Variants in ENTREP2 observed in about 807,000 individuals in gnomAD.
ENTREP2 encodes the protein endosomal transmembrane epsin interactor 2.
At chr15:29,338,696 G>A in the ENTREP2 span, among the ~76,000 whole-genome samples, 1 of 152,106 alleles carries the variant, frequency 6.6e-6, no homozygotes, top group Admixed American at 6.5e-5. Context: ...CCAGCTTGAT[G>A]TTCCTTCAAT....
At chr15:29,177,560 C>T in the ENTREP2 span, among the ~76,000 whole-genome samples, 6 of 152,286 alleles carry the variant, frequency 3.9e-5, no homozygotes, top group Admixed American at 3.9e-4. Context: ...ACGCAGCAAG[C>T]ACAGAGATGA....
the ENTREP2 span, among the ~76,000 whole-genome samples, chr15:29,477,130 T>C: frequency 1.4e-4 from 21 of 152,190 alleles, no homozygotes; most frequent in African/African-American, 4.6e-4. Flanking sequence ...AAACACACTG[T>C]TGAAAGTGTA....
At chr15:29,348,350 A>C in the ENTREP2 span, among the ~76,000 whole-genome samples, 243 of 152,258 alleles carry the variant, frequency 1.6e-3, no homozygotes, top group African/African-American at 4.9e-3. Flanking sequence ...AGGGAGCAGC[A>C]ATGTTGAACG....
the ENTREP2 span, chr15:29,375,149 C>A: frequency 1.3e-5 from 2 of 152,166 alleles, no homozygotes; most frequent in African/African-American, 4.8e-5. Flanking sequence ...TTAGGCAGAA[C>A]TGGAACAGCA....
At chr15:29,377,661 A>C in the ENTREP2 span, among the ~76,000 whole-genome samples, 1 of 151,748 alleles carries the variant, frequency 6.6e-6, no homozygotes, top group Non-Finnish European at 1.5e-5. Context: ...GTCTCTACTG[A>C]AAATACAAAA....
At chr15:29,294,823 G>A in the ENTREP2 span, among the ~76,000 whole-genome samples, 1 of 152,204 alleles carries the variant, frequency 6.6e-6, no homozygotes, top group Non-Finnish European at 1.5e-5. Context: ...AAGTAGCTAA[G>A]TCTGCATTCT....
chr15:29,668,139 T>A, the ENTREP2 span, among the ~76,000 whole-genome samples: 2 of 151,968 alleles, frequency 1.3e-5, no homozygotes, highest in African/African-American at 4.8e-5. Flanking sequence ...AAGAAAAGGG[T>A]GTCGTTGATT....
the ENTREP2 span, among the ~76,000 whole-genome samples, chr15:29,488,989 T>C: frequency 6.6e-6 from 1 of 152,186 alleles, no homozygotes; most frequent in Non-Finnish European, 1.5e-5. Flanking sequence ...AACAATTTAA[T>C]GAGTATGGGA....
At chr15:29,327,398 T>C in the ENTREP2 span, among the ~76,000 whole-genome samples, 1 of 151,994 alleles carries the variant, frequency 6.6e-6, no homozygotes, top group Non-Finnish European at 1.5e-5. Context: ...GTTGAGACTA[T>C]CCTGGCTAAC....
the ENTREP2 span, among the ~76,000 whole-genome samples, chr15:29,517,717 G>A: frequency 2.6e-5 from 4 of 151,962 alleles, no homozygotes; most frequent in Non-Finnish European, 5.9e-5. Flanking sequence ...TCGAAGTCCC[G>A]CTCACCAATG....
At chr15:29,203,177 C>A in the ENTREP2 span, among the ~76,000 whole-genome samples, 8 of 152,288 alleles carry the variant, frequency 5.3e-5, no homozygotes, top group East Asian at 5.8e-4. Flanking sequence ...CCGAGGCAGG[C>A]GGATCACGAG....
chr15:29,510,512 A>G, the ENTREP2 span, among the ~76,000 whole-genome samples: 3 of 152,316 alleles, frequency 2.0e-5, no homozygotes, highest in African/African-American at 4.8e-5. Context: ...ATGCCCATCA[A>G]TGTTAGACTG....
At chr15:29,637,855 G>T in the ENTREP2 span, among the ~76,000 whole-genome samples, 1 of 152,176 alleles carries the variant, frequency 6.6e-6, no homozygotes, top group Admixed American at 6.5e-5. Flanking sequence ...CAAGCTCGTC[G>T]CACTGCCAAC....
At chr15:29,333,352 G>A in the ENTREP2 span, among the ~76,000 whole-genome samples, 1 of 152,182 alleles carries the variant, frequency 6.6e-6, no homozygotes, top group South Asian at 2.1e-4. Context: ...GGCCTTAGAA[G>A]GGCCTGCAGA....
At chr15:29,388,865 CAA>C in the ENTREP2 span, among the ~76,000 whole-genome samples, 432 of 146,260 alleles carry the variant, frequency 3.0e-3, 1 homozygote, top group Admixed American at 5.4e-3. Flanking sequence ...ATCGCAAGGA[CAA>C]AAAACCAAAC....
chr15:29,123,664 C>G, the ENTREP2 span: 1 of 1,544,682 alleles, frequency 6.5e-7, no homozygotes, highest in South Asian at 1.2e-5. Context: ...AGCTAAAAAT[C>G]AAGGGCAAAA....
At chr15:29,128,231 G>T in the ENTREP2 span, among the ~76,000 whole-genome samples, 2 of 152,158 alleles carry the variant, frequency 1.3e-5, no homozygotes. Flanking sequence ...CTGCTGCTAA[G>T]GGCCCTTCTG....
chr15:29,518,048 G>A, the ENTREP2 span, among the ~76,000 whole-genome samples: 1 of 152,208 alleles, frequency 6.6e-6, no homozygotes, highest in African/African-American at 2.4e-5. Context: ...ACCAGCCTGG[G>A]CAACACAGCA....
At chr15:29,585,473 G>A in the ENTREP2 span, among the ~76,000 whole-genome samples, 1 of 152,200 alleles carries the variant, frequency 6.6e-6, no homozygotes, top group African/African-American at 2.4e-5. Flanking sequence ...CACATGAAAA[G>A]ATGATCATAA....
Sources: gnomAD v4.1 joint callset for allele counts (sites outside exome capture counted in the v4.1 genomes callset) on GRCh38, gnomAD v4.1.1 for gene constraint, MANE v1.5 for transcripts, NCBI Gene and HGNC (gene_info 2026-07-23, HGNC 2026-07-21) for gene names.